PPP1R12C: variants seen among roughly 807,000 people sequenced by gnomAD.
PPP1R12C encodes protein phosphatase 1 regulatory subunit 12C.
A neutral mutation model predicts 95.6 loss-of-function variants in PPP1R12C; 48 were observed. The observed-to-expected ratio is 0.50, with a 90% CI of 0.40 to 0.64. The LOEUF is 0.64. PPP1R12C is among the 30% of genes least tolerant of loss of function. PPP1R12C has a pLI of 0.00. For synonymous variants in PPP1R12C, 480 were observed against 460.8 expected (o/e 1.04, Z -0.53); for missense variants, 1,057 against 1,083.3 (o/e 0.98, Z 0.34).
intron 19 of PPP1R12C, 92 bp from the exon 20 acceptor site, chr19:55,092,001 C>A: frequency 6.7e-7 from 1 of 1,492,328 alleles, no homozygotes; most frequent in Non-Finnish European, 9.3e-7. Context: ...CGCCCGCCCA[C>A]TAGGCAGCCC....
At position 55,092,724 on chromosome 19, in the gene PPP1R12C, G is replaced by A. The variant is rs2084860387; in HGVS notation, c.1911+59C>T. 9.8e-6 allele frequency: 15 copies of A among 1,531,282 alleles called. No homozygotes were observed. In the South Asian group the frequency reaches 1.7e-4, roughly 18 times the overall value. 94.9% of individuals were successfully genotyped at this position (1,531,282 alleles called of 1,614,324 possible). ...AGGGACTTTAGCGGGTATGGGAAGG[G>A]CTTTGCCCGCCCCCCGGCCCACCCT... On this transcript the variant is annotated intron_variant, in intron 16 of 21. Coordinates refer to ENST00000263433, the MANE Select transcript of PPP1R12C (RefSeq NM_017607.4).
In PPP1R12C at chr19:55,109,273, T is replaced by C. The variant is rs943686557; in HGVS notation, c.571+3194A>G. ...ATTCCCACGCCTGGCTAATGTGTTT[T>C]GTTTTATAGAGATGGGTTCTCACTA... is the stretch of plus-strand genomic sequence containing the variant. On this transcript the variant is annotated intron_variant, in intron 3 of 21. Transcript: ENST00000263433. The surrounding 1 kb of genome is among the most constrained non-coding windows in gnomAD (Gnocchi z 4.4). Among the ~76,000 whole-genome samples, 3 of 152,180 alleles carry C rather than the reference T, an allele frequency of 2.0e-5. No homozygotes were observed. The highest frequency in any genetic ancestry group is 7.2e-5 in the African/African-American group (3 of 41,428).
In PPP1R12C at chr19:55,094,748, G is replaced by C; in HGVS notation, c.1505C>G (p.Ser502Cys). The change falls in exon 12 of 22, where the codon TCC becomes TGC. Residue 502 changes from serine (S) to cysteine (C), a missense_variant. Ser to Cys is a moderately radical substitution (Grantham distance 112). This residue lies in a region of PPP1R12C where 356 missense variants were observed against 330.5 expected (regional missense o/e 1.08). Transcript: ENST00000263433. ...TGGGGATTCAGGCTCCGGAATCCTG[G>C]AGGGAGGCGAGGAGTTCTCCAAGCA... Reference protein sequence around the residue: ...PPCLENSSPPSRIPEPESPAK... With the variant: ...PPCLENSSPPCRIPEPESPAK... 6.2e-7 allele frequency: 1 copy of C among 1,607,994 alleles called. No homozygotes were observed. The highest frequency in any genetic ancestry group is 1.3e-5 in the African/African-American group (1 of 75,016).
intron 18 of PPP1R12C, 57 bp downstream of exon 18, chr19:55,092,385 A>C: frequency 1.9e-6 from 3 of 1,570,194 alleles, no homozygotes; most frequent in Non-Finnish European, 2.6e-6. Context: ...GGGGGCGGGG[A>C]AGCCAGGAAG....
intron 4 of PPP1R12C, among the ~76,000 whole-genome samples, chr19:55,101,689 G>A (rs778618471): frequency 6.6e-6 from 1 of 152,180 alleles, no homozygotes; most frequent in African/African-American, 2.4e-5. Flanking sequence ...TCCAGGCCTG[G>A]GCACATCACT....
chr19:55,116,637 T>C (rs1369372039), intron 1 of PPP1R12C, among the ~76,000 whole-genome samples: 1 of 151,860 alleles, frequency 6.6e-6, no homozygotes, highest in Non-Finnish European at 1.5e-5. Context: ...CTCAAAGTGG[T>C]CCGGACTCAG....
At chr19:55,099,203 G>T in intron 4 of PPP1R12C, 108 bp from the exon 5 acceptor site, 1 of 1,291,382 alleles carries the variant, frequency 7.7e-7, no homozygotes, top group Non-Finnish European at 1.0e-6. Flanking sequence ...AGACTGAAAC[G>T]TCCCTGGACA....
intron 3 of PPP1R12C, chr19:55,112,086 T>A: frequency 1.1e-5 from 2 of 183,224 alleles, no homozygotes; most frequent in South Asian, 1.3e-4. Context: ...TGCATGCCCC[T>A]ACTCCCCCCC....
Position 55,092,535 on chromosome 19 carries a change from C to G in PPP1R12C, c.1962G>C (p.Glu654Asp), listed in dbSNP as rs768585035. 1 of 1,603,000 alleles carries G rather than the reference C, an allele frequency of 6.2e-7. No homozygotes were observed. Among genetic ancestry groups the G allele is most frequent in the African/African-American group, 1.3e-5 (1 of 74,916 alleles). Residue 654 changes from glutamate (E) to aspartate (D), a missense_variant, in exon 18 of 22, where the codon GAG (glutamate) becomes GAC (aspartate). Around this residue, in one of 5 missense-constraint regions of PPP1R12C, gnomAD observed 347 missense variants for 307.9 expected, o/e 1.13. Coordinates refer to ENST00000263433, the MANE Select transcript of PPP1R12C (RefSeq NM_017607.4). ...ADRSQESSTLEGGPSARRQRW... is the reference protein window; with the variant it reads ...ADRSQESSTLDGGPSARRQRW... ...GCTGCCTGCGGGCCGAGGGGCCGCC[C>G]TCCAGGGTGCTGGGGCAGGGGAGGA...
At position 55,117,558 on chromosome 19, in the gene PPP1R12C, G is replaced by A; in HGVS notation, c.-15C>T. 1.0e-6 allele frequency: 1 copy of A among 993,084 alleles called. No homozygotes were observed. The highest frequency in any genetic ancestry group is 1.2e-6 in the Non-Finnish European group (1 of 836,828). 61.5% of individuals were successfully genotyped at this position (993,084 alleles called of 1,614,324 possible). ...TCTCCGGACATCGCACCGCCCGCCC[G>A]CCCAGCGAGCGAGCGAGCGCCGAGC... On this transcript the variant is annotated 5_prime_UTR_variant, in exon 1 of 22. Transcript: ENST00000263433.
At chr19:55,112,326 G>T in intron 3 of PPP1R12C, 141 bp downstream of exon 3, 1 of 734,406 alleles carries the variant, frequency 1.4e-6, no homozygotes, top group Non-Finnish European at 2.2e-6. Context: ...CATTTCACAG[G>T]TGAGGAAACT....
rs762207135 is a variant in PPP1R12C, at chr19:55,092,681, G to T, written c.1912-19C>A. The T allele has an allele frequency of 2.4e-5, 37 of 1,525,002 alleles. No individual in the cohort carries two copies. Among genetic ancestry groups the T allele is most frequent in the Non-Finnish European group, 2.6e-6 (3 of 1,137,380 alleles). The allele number at this position is 1,525,002 out of a possible 1,614,324, so 94.5% of individuals were successfully genotyped here. ...CCTCCCCCTGTGGGCAGGTAGACGG[G>T]GGTTCAATGGGTATGGGAGGGACTT... On this transcript the variant is annotated intron_variant, in intron 16 of 21. Coordinates refer to ENST00000263433, the MANE Select transcript of PPP1R12C (RefSeq NM_017607.4).
Position 55,096,195 on chromosome 19 carries a change from G to A in PPP1R12C, c.1026-17C>T. ...ACAGAGCTCCTGTTGGGGAAGGAGAGGGTGCTGGGGTACAAGCCCGGGGCC... is the reference window on the plus strand; with the variant it reads ...ACAGAGCTCCTGTTGGGGAAGGAGAAGGTGCTGGGGTACAAGCCCGGGGCC... On this transcript the variant is annotated splice_polypyrimidine_tract_variant and intron_variant, in intron 7 of 21. Coordinates refer to ENST00000263433, the MANE Select transcript of PPP1R12C (RefSeq NM_017607.4). 1 of 1,609,168 alleles carries A rather than the reference G, an allele frequency of 6.2e-7. No homozygotes were observed. Among genetic ancestry groups the A allele is most frequent in the Non-Finnish European group, 8.5e-7 (1 of 1,176,866 alleles).
chr19:55,113,590 G>A (rs755892554), intron 1 of PPP1R12C: 89 of 1,298,312 alleles, frequency 6.9e-5, no homozygotes, highest in South Asian at 5.2e-4. Context: ...GGTGGGCTCC[G>A]GGACCTGAAC....
At chr19:55,110,308 G>C (rs142728882) in intron 3 of PPP1R12C, among the ~76,000 whole-genome samples, 2 of 151,750 alleles carry the variant, frequency 1.3e-5, no homozygotes, top group Non-Finnish European at 2.9e-5. Flanking sequence ...TGAGAGTGTA[G>C]CATCAAGGTT....
rs1000966341 is a variant in PPP1R12C, at chr19:55,117,280, C to T, written c.264G>A (p.Pro88=). 1.6e-6 allele frequency: 2 copies of T among 1,220,050 alleles called. No homozygotes were observed. Among genetic ancestry groups the T allele is most frequent in the Non-Finnish European group, 2.0e-6 (2 of 981,788 alleles). The allele number at this position is 1,220,050 out of a possible 1,614,324, so 75.6% of individuals were successfully genotyped here. A position where few individuals can be genotyped will look rare whatever the true frequency, so the allele number is the denominator to read the frequency against. The change falls in exon 1 of 22, where the codon CCG becomes CCA. Residue 88 remains proline, a synonymous_variant. Coordinates refer to ENST00000263433, the MANE Select transcript of PPP1R12C (RefSeq NM_017607.4). ...PGAELDPAAP[P]PARAVLDSTN... ...TGGAGTCCAGCACGGCGCGGGCGGG[C>T]GGCGGCGCGGCGGGGTCGAGCTCGG... is the stretch of plus-strand genomic sequence containing the variant.
rs776391214 is a variant in PPP1R12C, at chr19:55,103,466, C to T, written c.674G>A (p.Arg225His). 2.4e-5 allele frequency: 38 copies of T among 1,597,162 alleles called. No individual in the cohort carries two copies. The highest frequency in any genetic ancestry group is 4.4e-5 in the South Asian group (4 of 89,892). ...GGAMPEARHP[R>H]TGASALHVAA... is the part of the protein sequence containing the mutation. ...CACGTGCAGGGCAGAGGCGCCTGTG[C>T]GGGGGTGCCGGGCCTCTGGCATGGC... Residue 225 changes from arginine to histidine, a missense_variant, in exon 4 of 22, where the codon CGC becomes CAC. By Grantham distance (29) the Arg-to-His change is conservative (BLOSUM62 0). Around this residue, in one of 5 missense-constraint regions of PPP1R12C, gnomAD observed 282 missense variants for 380.4 expected, o/e 0.74. Transcript: ENST00000263433.
Position 55,117,238 on chromosome 19 carries a change from G to T in PPP1R12C, c.306C>A (p.Ile102=). The T allele has an allele frequency of 8.2e-7, 1 of 1,226,040 alleles. No individual in the cohort carries two copies. Among genetic ancestry groups the T allele is most frequent in the Non-Finnish European group, 1.0e-6 (1 of 984,414 alleles). The allele number at this position is 1,226,040 out of a possible 1,614,324, so 75.9% of individuals were successfully genotyped here. A position where few individuals can be genotyped will look rare whatever the true frequency, so the allele number is the denominator to read the frequency against. The part of the protein sequence containing the change: ...AVLDSTNADG[I]SALHQACIDE... ...GGGCGCTGACCTGGTGCAGGGCGCT[G>T]ATACCGTCGGCGTTGGTGGAGTCCA... Residue 102 remains isoleucine (I), a synonymous_variant, in exon 1 of 22, where the codon ATC becomes ATA. Transcript: ENST00000263433.
chr19:55,092,335 C>T lies in PPP1R12C; in HGVS notation c.2056-9G>A. The T allele has an allele frequency of 6.3e-7, 1 of 1,587,926 alleles. No individual in the cohort carries two copies. The highest frequency in any genetic ancestry group is 8.6e-7 in the Non-Finnish European group (1 of 1,166,740). ...CGCAGCTCTGCATACAGCTGGGGGT[C>T]AGGTAGAGGAGGGTCAGGTGGAGGA... On this transcript the variant is annotated splice_polypyrimidine_tract_variant and intron_variant, in intron 18 of 21. Coordinates refer to ENST00000263433, the MANE Select transcript of PPP1R12C (RefSeq NM_017607.4).
Sources: gnomAD v4.1 joint callset for allele counts (sites outside exome capture counted in the v4.1 genomes callset) on GRCh38, gnomAD v4.1.1 for gene constraint, gnomAD v4.1.1 regional missense constraint, Gnocchi (gnomAD v3.1) non-coding constraint, MANE v1.5 for transcripts, NCBI Gene and HGNC (gene_info 2026-07-23, HGNC 2026-07-21) for gene names.